The following NAALADL2 variants were observed in gnomAD, a reference collection of about 807,000 sequenced individuals.
NAALADL2 encodes the protein inactive N-acetylated-alpha-linked acidic dipeptidase-like protein 2.
In NAALADL2, 76 loss-of-function variants were observed where a neutral mutation model predicts 87.2. The observed-to-expected ratio is 0.87, with a 90% confidence interval of 0.72 to 1.05. NAALADL2 has a LOEUF of 1.05. Ranked by LOEUF, NAALADL2 falls within the 50% of genes least tolerant of loss-of-function variation. The pLI, the probability that NAALADL2 is intolerant of heterozygous loss-of-function variation, is 0.00. For missense variants in NAALADL2, 1,089 were observed against 945.8 expected (o/e 1.15, Z -1.99); for synonymous variants, 354 against 331.0 (o/e 1.07, Z -0.75).
intron 4 of NAALADL2, among the ~76,000 whole-genome samples, chr3:175,293,036 CAA>C (rs568981496): frequency 2.6e-4 from 13 of 49,400 alleles, no homozygotes; most frequent in African/African-American, 5.1e-4. Flanking sequence ...GACTCCGTCT[CAA>C]AAAAAAAAAA....
intron 11 of NAALADL2, among the ~76,000 whole-genome samples, chr3:175,721,688 TCA>T (rs1183267359): frequency 6.6e-6 from 1 of 152,172 alleles, no homozygotes; most frequent in East Asian, 1.9e-4. Context: ...ACATCTACTA[TCA>T]CAATGTAAAA....
intron 13 of NAALADL2, among the ~76,000 whole-genome samples, chr3:175,799,905 A>T (rs1753936941): frequency 6.6e-6 from 1 of 152,210 alleles, no homozygotes; most frequent in Admixed American, 6.5e-5. Flanking sequence ...CTTGGAGAAT[A>T]GCAAAGGGAA....
At chr3:175,329,605 A>G (rs973326491) in intron 5 of NAALADL2, among the ~76,000 whole-genome samples, 2 of 152,202 alleles carry the variant, frequency 1.3e-5, no homozygotes, top group Non-Finnish European at 2.9e-5. Flanking sequence ...AGATATTCAC[A>G]GTATGAATAT....
chr3:175,318,027 A>C (rs1430723581), intron 4 of NAALADL2, among the ~76,000 whole-genome samples: 1 of 152,150 alleles, frequency 6.6e-6, no homozygotes, highest in Admixed American at 6.5e-5. Context: ...AAAATTATAA[A>C]GAGTTTAAAA....
chr3:175,690,226 G>T (rs558630829), intron 11 of NAALADL2, among the ~76,000 whole-genome samples: 1 of 152,156 alleles, frequency 6.6e-6, no homozygotes, highest in African/African-American at 2.4e-5. Context: ...ACTATAAGAG[G>T]TGAAACACAT....
chr3:174,876,877 A>AT (rs5854600), intron 1 of NAALADL2, among the ~76,000 whole-genome samples: 8,970 of 152,210 alleles, frequency 0.059, 890 homozygotes, highest in African/African-American at 0.2. Flanking sequence ...ATTTTCCACC[A>AT]TTCTGGAAGC....
intron 2 of NAALADL2, among the ~76,000 whole-genome samples, chr3:175,126,541 T>C (rs570738352): frequency 6.6e-6 from 1 of 152,142 alleles, no homozygotes; most frequent in Non-Finnish European, 1.5e-5. Context: ...AAGGAAAATA[T>C]ATATATTTCA....
intron 2 of NAALADL2, among the ~76,000 whole-genome samples, chr3:175,145,537 C>A (rs1227481412): frequency 1.3e-5 from 2 of 151,940 alleles, no homozygotes; most frequent in East Asian, 1.9e-4. Flanking sequence ...TTTCATTTGA[C>A]CTTTCTTAAG....
intron 2 of NAALADL2, among the ~76,000 whole-genome samples, chr3:174,731,423 C>A (rs1732693106): frequency 6.6e-6 from 1 of 152,144 alleles, no homozygotes; most frequent in Admixed American, 6.6e-5. Flanking sequence ...ATTTCCACAT[C>A]AAGATAATCC....
chr3:175,348,186 G>A (rs1763358220), intron 5 of NAALADL2, among the ~76,000 whole-genome samples: 1 of 152,018 alleles, frequency 6.6e-6, no homozygotes, highest in East Asian at 1.9e-4. Context: ...TGAGTAGCTG[G>A]GATTACAGTC....
chr3:175,206,736 C>A lies in NAALADL2; in HGVS notation c.546-27195C>A, dbSNP rs144835132. On this transcript the variant is annotated intron_variant, in intron 2 of 13. Transcript: ENST00000454872. ...TAAAAAAGAGCATAGAGAAAACCAACATTTGGGAATGATGCTAGAAGTCGT... is the reference window on the plus strand; with the variant it reads ...TAAAAAAGAGCATAGAGAAAACCAAAATTTGGGAATGATGCTAGAAGTCGT... Among the ~76,000 whole-genome samples the A allele has an allele frequency of 1.6e-3, 243 of 152,196 alleles. 1 individual carries two copies. The highest frequency in any genetic ancestry group is 5.6e-3 in the African/African-American group (232 of 41,548).
chr3:175,718,335 T>C, intron 11 of NAALADL2: 2 of 1,602,472 alleles, frequency 1.2e-6, no homozygotes, highest in Non-Finnish European at 1.7e-6. Context: ...ATATGAATTC[T>C]GCCATTTTGC....
chr3:175,332,350 A>ATACG (rs1406127959), intron 5 of NAALADL2, among the ~76,000 whole-genome samples: 9 of 152,184 alleles, frequency 5.9e-5, no homozygotes, highest in Admixed American at 1.3e-4. Context: ...AAACGAAACA[A>ATACG]TACGGTATTG....
chr3:175,228,477 T>C (rs1179125238), intron 2 of NAALADL2, among the ~76,000 whole-genome samples: 3 of 150,900 alleles, frequency 2.0e-5, no homozygotes, highest in African/African-American at 7.3e-5. Flanking sequence ...AGGACTACTA[T>C]CCTGAGGTGA....
At chr3:174,598,041 T>A (rs746665659) in intron 2 of NAALADL2, among the ~76,000 whole-genome samples, 49 of 152,178 alleles carry the variant, frequency 3.2e-4, no homozygotes, top group Non-Finnish European at 6.2e-4. Context: ...CTCAAATTAA[T>A]CTCCAGTAAT....
intron 5 of NAALADL2, among the ~76,000 whole-genome samples, chr3:175,426,139 G>A (rs1017362316): frequency 3.3e-5 from 5 of 152,126 alleles, no homozygotes; most frequent in Non-Finnish European, 7.3e-5. Flanking sequence ...CAAGGCGGGC[G>A]GATCACTTAA....
At chr3:174,868,607 A>C (rs1335644338) in intron 1 of NAALADL2, among the ~76,000 whole-genome samples, 1 of 151,580 alleles carries the variant, frequency 6.6e-6, no homozygotes, top group East Asian at 1.9e-4. Context: ...ACTTGAGGTT[A>C]AATTGGTGTT....
intron 4 of NAALADL2, among the ~76,000 whole-genome samples, chr3:175,305,414 G>C (rs62286963): frequency 6.6e-6 from 1 of 151,960 alleles, no homozygotes; most frequent in Non-Finnish European, 1.5e-5. Context: ...TACATCTCTT[G>C]TGTAATGCTA....
chr3:174,607,429 G>A lies in NAALADL2; in HGVS notation c.-115+56792G>A, dbSNP rs1262166194. On this transcript the variant is annotated intron_variant, in intron 2 of 3. Coordinates refer to the NAALADL2 transcript ENST00000434257. ...GCTGTATTCAGGAAACCCATCTCACGTGCAGAGACACACATAGGCTCAAAA... is the reference window on the plus strand; with the variant it reads ...GCTGTATTCAGGAAACCCATCTCACATGCAGAGACACACATAGGCTCAAAA... 4.6e-5 allele frequency among the ~76,000 whole-genome samples: 7 copies of A among 150,656 alleles called. No individual in the cohort carries two copies. In the East Asian group the frequency reaches 1.2e-3, roughly 25 times the overall value.
Sources: gnomAD v4.1 joint callset for allele counts (sites outside exome capture counted in the v4.1 genomes callset) on GRCh38, gnomAD v4.1.1 for gene constraint, MANE v1.5 for transcripts, NCBI Gene and HGNC (gene_info 2026-07-23, HGNC 2026-07-21) for gene names.